Variants in DIO2 observed in about 807,000 individuals in gnomAD.
DIO2 encodes the protein iodothyronine deiodinase 2, also known as type II iodothyronine deiodinase.
A neutral mutation model predicts 21.4 loss-of-function variants in DIO2; 19 were observed. The observed-to-expected ratio is 0.89, with a 90% CI of 0.62 to 1.30. DIO2 has a LOEUF of 1.30. Ranked by LOEUF, DIO2 falls within the 50% of genes most tolerant of loss-of-function variation. The pLI, the probability that DIO2 is intolerant of heterozygous loss-of-function variation, is 0.00. For synonymous variants in DIO2, 122 were observed against 132.9 expected (o/e 0.92, Z 0.57); for missense variants, 302 against 338.1 (o/e 0.89, Z 0.84).
intron 2 of DIO2, among the ~76,000 whole-genome samples, chr14:80,227,969 C>A (rs1888609423): frequency 6.6e-6 from 1 of 152,176 alleles, no homozygotes; most frequent in South Asian, 2.1e-4. Flanking sequence ...ACCACTGGAC[C>A]CCTAGAAATT....
At chr14:80,230,777 A>T (rs1888670887) in intron 2 of DIO2, 1 of 152,216 alleles carries the variant, frequency 6.6e-6, no homozygotes. Flanking sequence ...AAGCAATGAA[A>T]GAACTTCATC....
chr14:80,211,125 C>T, intron 1 of DIO2, 126 bp downstream of exon 1: 1 of 861,308 alleles, frequency 1.2e-6, no homozygotes, highest in Non-Finnish European at 1.8e-6. Flanking sequence ...CTTAGAGGCT[C>T]ACTTGGCAAC....
upstream of DIO2, among the ~76,000 whole-genome samples, chr14:80,213,479 A>C (rs1278365399): frequency 6.6e-6 from 1 of 152,200 alleles, no homozygotes; most frequent in African/African-American, 2.4e-5. Flanking sequence ...CTGTTAGCTG[A>C]ATTCTGCATA....
Position 80,228,127 on chromosome 14 carries a change from T to C in DIO2, c.-277-11390A>G, listed in dbSNP as rs140827318. Reference sequence around the variant, plus strand: ...ATGTCATCAGTGTAATGGACCAGTGTGATATCTTGCAGAAGCAAAAAGCAA... The same window carrying C: ...ATGTCATCAGTGTAATGGACCAGTGCGATATCTTGCAGAAGCAAAAAGCAA... On this transcript the variant is annotated intron_variant, in intron 2 of 4. Coordinates refer to the DIO2 transcript ENST00000553594. Among the ~76,000 whole-genome samples, 291 of 152,338 alleles carry C rather than the reference T, an allele frequency of 1.9e-3. 1 individual carries two copies. The highest frequency in any genetic ancestry group is 6.9e-3 in the African/African-American group (285 of 41,580).
Position 80,203,131 on chromosome 14 carries a change from T to G in DIO2, c.380A>C (p.Asn127Thr). Reference protein sequence around the residue: ...FASPERPLVVNFGSATUPPFT... With the variant: ...FASPERPLVVTFGSATUPPFT... Reference sequence around the variant, plus strand: ...AGGAGGTCAAGTGGCTGAGCCAAAGTTGACCACTAGTGGGCGCTCAGGGCT... The same window carrying G: ...AGGAGGTCAAGTGGCTGAGCCAAAGGTGACCACTAGTGGGCGCTCAGGGCT... The change falls in exon 2 of 2, where the codon AAC becomes ACC. Residue 127 changes from asparagine to threonine, a missense_variant. Transcript: ENST00000438257. 6.2e-7 allele frequency: 1 copy of G among 1,613,566 alleles called. No homozygotes were observed. Among genetic ancestry groups the G allele is most frequent in the Admixed American group, 1.7e-5 (1 of 59,960 alleles).
chr14:80,208,548 G>T (rs1888042678), intron 1 of DIO2, among the ~76,000 whole-genome samples: 1 of 152,180 alleles, frequency 6.6e-6, no homozygotes, highest in Non-Finnish European at 1.5e-5. Context: ...ATGTGTAGTT[G>T]TATCACATGA....
At chr14:80,209,148 C>A (rs1252449637) in intron 1 of DIO2, among the ~76,000 whole-genome samples, 1 of 152,086 alleles carries the variant, frequency 6.6e-6, no homozygotes, top group Non-Finnish European at 1.5e-5. Context: ...AAACAATAAA[C>A]TTTATTGAAG....
At position 80,202,629 on chromosome 14, in the gene DIO2, C is replaced by T. The variant is rs1319175037; in HGVS notation, c.*60G>A. The T allele has an allele frequency of 1.3e-6, 2 of 1,485,400 alleles. No individual in the cohort carries two copies. The highest frequency in any genetic ancestry group is 1.3e-5 in the South Asian group (1 of 74,848). The allele number at this position is 1,485,400 out of a possible 1,614,324, so 92.0% of individuals were successfully genotyped here. On this transcript the variant is annotated 3_prime_UTR_variant, in exon 2 of 2. Transcript: ENST00000438257. ...GCTCTGTTGAAATATGGATTCAGTT[C>T]TTAATTTCCTTGCCTTTATATAACT... is the stretch of plus-strand genomic sequence containing the variant.
chr14:80,213,628 A>G (rs867060085), upstream of DIO2, among the ~76,000 whole-genome samples: 26 of 152,206 alleles, frequency 1.7e-4, no homozygotes, highest in Middle Eastern at 3.2e-3. Flanking sequence ...ACCTAGAACC[A>G]TGCTTGGCGC....
At chr14:80,221,665 G>A (rs1057491721) in intron 2 of DIO2, among the ~76,000 whole-genome samples, 15 of 152,232 alleles carry the variant, frequency 9.9e-5, no homozygotes, top group African/African-American at 2.9e-4. Context: ...AACAGAAGCA[G>A]ATGATAAGAA....
chr14:80,215,771 T>A (rs2140014018), upstream of DIO2, among the ~76,000 whole-genome samples: 1 of 152,350 alleles, frequency 6.6e-6, no homozygotes, highest in South Asian at 2.1e-4. Flanking sequence ...GAGCAAGGAA[T>A]CACAAACTGT....
upstream of DIO2, among the ~76,000 whole-genome samples, chr14:80,215,303 C>T (rs1473611295): frequency 6.6e-6 from 1 of 152,142 alleles, no homozygotes; most frequent in Non-Finnish European, 1.5e-5. Context: ...AGTAAAAGAG[C>T]ATCATGTCCT....
chr14:80,224,891 A>G (rs1312068756), intron 2 of DIO2, among the ~76,000 whole-genome samples: 1 of 152,188 alleles, frequency 6.6e-6, no homozygotes, highest in Non-Finnish European at 1.5e-5. Flanking sequence ...ATTAACTTAC[A>G]TGATCACAAG....
rs1273206250 is a variant in DIO2, at chr14:80,200,726, A to G, written c.*1963T>C. 6.6e-6 allele frequency: 1 copy of G among 152,218 alleles called. No individual in the cohort carries two copies. Among genetic ancestry groups the G allele is most frequent in the Non-Finnish European group, 1.5e-5 (1 of 68,034 alleles). 9.4% of individuals were successfully genotyped at this position (152,218 alleles called of 1,614,324 possible). On this transcript the variant is annotated 3_prime_UTR_variant, in exon 2 of 2. Transcript: ENST00000438257. ...GGGTGGTTTTTATAGAATTTAGAACATTAGAAAGCTGATGTTGCCATGAAA... is the reference window on the plus strand; with the variant it reads ...GGGTGGTTTTTATAGAATTTAGAACGTTAGAAAGCTGATGTTGCCATGAAA...
At chr14:80,218,081 C>T (rs1055508601) in intron 2 of DIO2, among the ~76,000 whole-genome samples, 1 of 152,064 alleles carries the variant, frequency 6.6e-6, no homozygotes, top group South Asian at 2.1e-4. Flanking sequence ...TTATAAGAAA[C>T]TTAGCTGTAT....
At position 80,202,298 on chromosome 14, in the gene DIO2, A is replaced by G. The variant is rs777313943; in HGVS notation, c.*391T>C. ...CCATGCCAAATAGAGCCAAGGCAAT[A>G]CCCTTTATCTTAACGTAGACAGTAG... is the stretch of plus-strand genomic sequence containing the variant. On this transcript the variant is annotated 3_prime_UTR_variant, in exon 2 of 2. Transcript: ENST00000438257. The G allele has an allele frequency of 4.4e-5, 23 of 524,534 alleles. No homozygotes were observed. The highest frequency in any genetic ancestry group is 1.4e-4 in the Admixed American group (7 of 51,662). 32.5% of individuals were successfully genotyped at this position (524,534 alleles called of 1,614,324 possible).
chr14:80,212,022 T>TTTTC (rs1555354658), upstream of DIO2: 3 of 151,034 alleles, frequency 2.0e-5, no homozygotes, highest in East Asian at 3.9e-4. Flanking sequence ...AGTTTTTTTT[T>TTTTC]TTTCTTTCTT....
chr14:80,206,994 C>T (rs758632823), intron 1 of DIO2, among the ~76,000 whole-genome samples: 4 of 152,084 alleles, frequency 2.6e-5, no homozygotes, highest in Non-Finnish European at 5.9e-5. Flanking sequence ...CCCAAAGGGT[C>T]CCTTTATTTT....
At chr14:80,225,240 C>A (rs1888551425) in intron 2 of DIO2, among the ~76,000 whole-genome samples, 1 of 152,094 alleles carries the variant, frequency 6.6e-6, no homozygotes, top group Non-Finnish European at 1.5e-5. Context: ...CAGTATCTAC[C>A]ATCACAAATC....
Sources: gnomAD v4.1 joint callset for allele counts (sites outside exome capture counted in the v4.1 genomes callset) on GRCh38, gnomAD v4.1.1 for gene constraint, MANE v1.5 for transcripts, NCBI Gene and HGNC (gene_info 2026-07-23, HGNC 2026-07-21) for gene names.